TRMT44: variants seen among roughly 807,000 people sequenced by gnomAD.
TRMT44 encodes the protein probable tRNA (uracil-O(2)-)-methyltransferase.
Under a neutral mutation model 77.3 loss-of-function variants are expected in TRMT44, and 78 were observed. The ratio of observed to expected loss-of-function variants is 1.01; its 90% CI spans 0.84 to 1.22. TRMT44 has a LOEUF of 1.22. Ranked by LOEUF, TRMT44 falls within the 50% of genes most tolerant of loss-of-function variation. The pLI is 0.00. For missense variants in TRMT44, 1,090 were observed against 964.4 expected (o/e 1.13, Z -1.73); for synonymous variants, 391 against 383.3 (o/e 1.02, Z -0.23).
intron 10 of TRMT44, among the ~76,000 whole-genome samples, chr4:8,472,508 G>A (rs1482834113): frequency 6.6e-6 from 1 of 152,208 alleles, no homozygotes; most frequent in Non-Finnish European, 1.5e-5. Flanking sequence ...CTCTCTGGGT[G>A]TGTGAGAGAG....
In TRMT44 at chr4:8,476,195, C is replaced by T. The variant is rs962456172; in HGVS notation, c.*194C>T. The T allele has an allele frequency of 8.2e-5, 50 of 607,500 alleles. No individual in the cohort carries two copies. In the African/African-American group the frequency reaches 8.9e-4, roughly 11 times the overall value. The allele number at this position is 607,500 out of a possible 1,614,324, so 37.6% of individuals were successfully genotyped here. The stretch of plus-strand genomic sequence containing the variant: ...AGAGAAGCCACAGTTACTCGGAAGC[C>T]CCCAGCTGACTGCCTGGCTTGTTTC... On this transcript the variant is annotated 3_prime_UTR_variant, in exon 11 of 11. Transcript: ENST00000389737.
At chr4:8,501,749 G>C in the TRMT44 span, among the ~76,000 whole-genome samples, 1 of 152,100 alleles carries the variant, frequency 6.6e-6, no homozygotes, top group Non-Finnish European at 1.5e-5. This position sits in a 1 kb window ranked among gnomAD's most constrained non-coding sequence, Gnocchi z 4.4. Context: ...GAGGTGCTCA[G>C]TTGGGGCCCT....
In TRMT44 at chr4:8,476,039, C is replaced by CA. The variant is rs1158031996; in HGVS notation, c.*41dup. 1 of 1,592,662 alleles carries CA rather than the reference C, an allele frequency of 6.3e-7. No homozygotes were observed. Among genetic ancestry groups the CA allele is most frequent in the South Asian group, 1.1e-5 (1 of 89,512 alleles). On this transcript the variant is annotated 3_prime_UTR_variant, in exon 11 of 11. Coordinates refer to ENST00000389737, the MANE Select transcript of TRMT44 (RefSeq NM_152544.3). ...CCAGCCGAGGCCTGGTTGGGGAGGC[C>CA]AAACCAAGGAGAGCTTCCCCAGCAG...
intron 2 of TRMT44, among the ~76,000 whole-genome samples, chr4:8,488,219 T>A (rs562107736): frequency 4.1e-4 from 63 of 152,288 alleles, no homozygotes; most frequent in Non-Finnish European, 1.5e-5. Context: ...AGGGGATTGA[T>A]TTCCTAAGGG....
downstream of TRMT44, among the ~76,000 whole-genome samples, chr4:8,480,395 G>A (rs1181948955): frequency 6.6e-6 from 1 of 152,060 alleles, no homozygotes; most frequent in Non-Finnish European, 1.5e-5. Context: ...CTTTCCTTAG[G>A]GTGGGCTGCC....
At chr4:8,489,581 A>T (rs964941788) in intron 2 of TRMT44, among the ~76,000 whole-genome samples, 1 of 152,158 alleles carries the variant, frequency 6.6e-6, no homozygotes, top group African/African-American at 2.4e-5. Context: ...GGTTCAAGCG[A>T]TTCTCCTGCC....
intron 2 of TRMT44, among the ~76,000 whole-genome samples, chr4:8,484,661 G>A (rs1727746892): frequency 6.6e-6 from 1 of 152,164 alleles, no homozygotes; most frequent in Non-Finnish European, 1.5e-5. Flanking sequence ...TAGAGAGGGG[G>A]CAGTTTCTAA....
intron 10 of TRMT44, chr4:8,473,540 C>T (rs1488904668): frequency 1.3e-5 from 2 of 152,526 alleles, no homozygotes; most frequent in East Asian, 1.9e-4. Context: ...ATCCTCAACC[C>T]GTTCCTCAGA....
chr4:8,486,078 G>A (rs547945384), intron 2 of TRMT44, among the ~76,000 whole-genome samples: 1 of 152,330 alleles, frequency 6.6e-6, no homozygotes, highest in South Asian at 2.1e-4. Flanking sequence ...GAAGGAGTCA[G>A]TCAGAGAGCC....
the TRMT44 span, among the ~76,000 whole-genome samples, chr4:8,502,220 G>A: frequency 6.6e-6 from 1 of 152,196 alleles, no homozygotes. Flanking sequence ...AAACTGCCCT[G>A]AGTGCATCCA....
At chr4:8,485,368 G>A (rs543970913) in intron 2 of TRMT44, among the ~76,000 whole-genome samples, 24 of 152,206 alleles carry the variant, frequency 1.6e-4, no homozygotes, top group African/African-American at 4.6e-4. Flanking sequence ...TTGATAAGGC[G>A]CAGATCCTGA....
intron 3 of TRMT44, 61 bp downstream of exon 3, chr4:8,449,949 C>CTTTTCTTTTCTTTTCTTTTTTTTTTTTT: frequency 4.2e-6 from 1 of 238,690 alleles, no homozygotes; most frequent in Non-Finnish European, 6.1e-6. Flanking sequence ...CTTTTCTTTT[C>CTTTTCTTTTCTTTTCTTTTTTTTTTTTT]TTTTTTTTTT....
chr4:8,458,889 G>A (rs1365313581), intron 6 of TRMT44, among the ~76,000 whole-genome samples: 1 of 152,096 alleles, frequency 6.6e-6, no homozygotes, highest in Admixed American at 6.5e-5. Flanking sequence ...TGAGTAGTCA[G>A]TTTTGGGGGA....
At chr4:8,483,900 A>AG (rs1192390222) in intron 2 of TRMT44, among the ~76,000 whole-genome samples, 5 of 152,218 alleles carry the variant, frequency 3.3e-5, no homozygotes, top group African/African-American at 1.2e-4. Flanking sequence ...TGCCTGACTC[A>AG]GGGCATGTTG....
intron 10 of TRMT44, among the ~76,000 whole-genome samples, chr4:8,472,287 C>G (rs976556023): frequency 2.6e-5 from 4 of 151,968 alleles, no homozygotes; most frequent in Admixed American, 6.6e-5. Flanking sequence ...TTAGGCAGAG[C>G]GAACAGCATT....
At chr4:8,472,093 G>A (rs922540989) in intron 10 of TRMT44, among the ~76,000 whole-genome samples, 56 of 151,192 alleles carry the variant, frequency 3.7e-4, no homozygotes, top group Non-Finnish European at 6.8e-4. Context: ...GTACTTCCAC[G>A]TGCATCTTTA....
rs1030241773 is a variant in TRMT44 at position 8,463,969 on chromosome 4, T to G, written c.1204-16T>G. ...TGATTCACAAAACATTTCGTCTTGT[T>G]TTGTTATTCCTTTAGGAAGATGCAA... On this transcript the variant is annotated splice_polypyrimidine_tract_variant and intron_variant, in intron 6 of 10. Transcript: ENST00000389737. The G allele has an allele frequency of 1.2e-6, 2 of 1,606,210 alleles. No homozygotes were observed. Among genetic ancestry groups the G allele is most frequent in the Middle Eastern group, 1.7e-4 (1 of 6,036 alleles).
chr4:8,462,043 C>G (rs998321480), intron 6 of TRMT44, among the ~76,000 whole-genome samples: 3 of 152,172 alleles, frequency 2.0e-5, no homozygotes, highest in African/African-American at 7.2e-5. Context: ...GTGGTGATCA[C>G]AAATTGTCTT....
intron 2 of TRMT44, among the ~76,000 whole-genome samples, chr4:8,487,581 GGTT>G (rs956425818): frequency 7.9e-5 from 12 of 152,072 alleles, no homozygotes; most frequent in African/African-American, 2.7e-4. Context: ...AGAGATAAGA[GGTT>G]GGGGCATGGA....
Sources: allele counts gnomAD v4.1 joint callset (sites outside exome capture counted in the v4.1 genomes callset), GRCh38; gene constraint gnomAD v4.1.1; non-coding constraint Gnocchi (gnomAD v3.1); transcripts MANE v1.5; gene names NCBI Gene and HGNC (gene_info 2026-07-23, HGNC 2026-07-21).